WDR7: variants seen among roughly 807,000 people sequenced by gnomAD.
WDR7 encodes WD repeat domain 7.
WDR7 carries 46 observed loss-of-function variants against 169.4 expected under a neutral mutation model. That is an observed-to-expected ratio of 0.27 (90% confidence interval 0.21 to 0.35). The LOEUF (loss-of-function observed/expected upper bound fraction) is 0.35. Ranked by LOEUF, WDR7 falls within the 10% of genes least tolerant of loss-of-function variation. WDR7 has a pLI of 1.00. For synonymous variants in WDR7, 612 were observed against 666.8 expected (o/e 0.92, Z 1.27); for missense variants, 1,534 against 1,859.3 (o/e 0.83, Z 3.22).
At chr18:57,026,870 G>A (rs1204153780) in intron 27 of WDR7, 134 bp from the exon 28 acceptor site, 1 of 921,430 alleles carries the variant, frequency 1.1e-6, no homozygotes, top group Admixed American at 2.5e-5. Context: ...CTTTTGAGAG[G>A]TTAAGAACAA....
rs1270371776 is a variant in WDR7 at position 56,691,807 on chromosome 18, A to G, written c.956A>G (p.Lys319Arg). Residue 319 changes from lysine to arginine, a missense_variant, in exon 9 of 28, where the codon AAA becomes AGA. Transcript: ENST00000254442. ...GTACAACATATCCTCTTGGATCGAA[A>G]AGATAAAGAGGTAAAATTCTTGAGG... ...PPVQHILLDR[K>R]DKELLICPPV... 5.0e-6 allele frequency: 8 copies of G among 1,607,162 alleles called. No homozygotes were observed. The highest frequency in any genetic ancestry group is 8.5e-7 in the Non-Finnish European group (1 of 1,177,474).
intron 15 of WDR7, among the ~76,000 whole-genome samples, chr18:56,758,488 T>G (rs978740921): frequency 6.6e-6 from 1 of 152,206 alleles, no homozygotes; most frequent in Admixed American, 6.5e-5. Context: ...AAGACTGTTT[T>G]CAGGTTTTTG....
At chr18:56,943,275 A>G (rs542347304) in intron 25 of WDR7, among the ~76,000 whole-genome samples, 2 of 152,198 alleles carry the variant, frequency 1.3e-5, no homozygotes, top group Non-Finnish European at 2.9e-5. Flanking sequence ...CTCCAAAGTC[A>G]ATGGCATGAA....
intron 20 of WDR7, among the ~76,000 whole-genome samples, chr18:56,846,944 G>A (rs2045577469): frequency 1.3e-5 from 2 of 152,204 alleles, no homozygotes; most frequent in Non-Finnish European, 2.9e-5. Flanking sequence ...AATTGGTACT[G>A]AGGAATGGGG....
chr18:56,914,822 C>A (rs11876185), intron 21 of WDR7, among the ~76,000 whole-genome samples: 5,136 of 152,222 alleles, frequency 0.034, 106 homozygotes, highest in Middle Eastern at 0.058. Flanking sequence ...AGACTGTCTC[C>A]TATTTTGGTC....
intron 20 of WDR7, among the ~76,000 whole-genome samples, chr18:56,837,612 G>A (rs2045415035): frequency 6.6e-6 from 1 of 152,172 alleles, no homozygotes; most frequent in South Asian, 2.1e-4. Flanking sequence ...TTGATTTATT[G>A]AAATGAAATT....
intron 2 of WDR7, among the ~76,000 whole-genome samples, chr18:56,673,696 G>A (rs1260686537): frequency 2.0e-5 from 3 of 151,916 alleles, no homozygotes; most frequent in Non-Finnish European, 2.9e-5. Context: ...CTAGCCGGAC[G>A]TGGTGGTGCA....
chr18:57,019,058 A>G lies in WDR7; in HGVS notation c.4165-1687A>G, dbSNP rs993284609. ...ATGAGTAATCACATCTATTTCATCAAATGCCACAGTCTGAAGTCTGTGTTT... is the reference window on the plus strand; with the variant it reads ...ATGAGTAATCACATCTATTTCATCAGATGCCACAGTCTGAAGTCTGTGTTT... On this transcript the variant is annotated intron_variant, in intron 26 of 27. Transcript: ENST00000254442. Among the ~76,000 whole-genome samples the G allele has an allele frequency of 2.6e-5, 4 of 152,176 alleles. No homozygotes were observed. In the South Asian group the frequency reaches 8.3e-4, roughly 32 times the overall value.
chr18:56,677,998 T>A (rs539919815), intron 2 of WDR7, among the ~76,000 whole-genome samples: 13 of 152,194 alleles, frequency 8.5e-5, no homozygotes, highest in Admixed American at 3.9e-4. Flanking sequence ...AAATAGGCCA[T>A]CTTCAAGCTC....
chr18:56,826,734 A>G (rs1486312966), intron 20 of WDR7, among the ~76,000 whole-genome samples: 1 of 152,216 alleles, frequency 6.6e-6, no homozygotes, highest in African/African-American at 2.4e-5. Context: ...ATCCAGTGTG[A>G]AAGGATTCAG....
intron 25 of WDR7, among the ~76,000 whole-genome samples, chr18:56,942,353 C>G (rs1368213563): frequency 6.6e-6 from 1 of 152,020 alleles, no homozygotes; most frequent in Non-Finnish European, 1.5e-5. Flanking sequence ...GTCACTTGTT[C>G]CAGTTTGTGC....
intron 14 of WDR7, among the ~76,000 whole-genome samples, chr18:56,750,065 T>C (rs2144901644): frequency 6.6e-6 from 1 of 152,024 alleles, no homozygotes; most frequent in East Asian, 1.9e-4. Flanking sequence ...ATATCCATGC[T>C]TGAATACAGG....
intron 20 of WDR7, among the ~76,000 whole-genome samples, chr18:56,846,600 A>G (rs2045571814): frequency 6.6e-6 from 1 of 152,206 alleles, no homozygotes; most frequent in Non-Finnish European, 1.5e-5. Context: ...TACCAGTAGC[A>G]TGAAAACGGA....
At chr18:56,860,052 T>C (rs1458601603) in intron 20 of WDR7, among the ~76,000 whole-genome samples, 1 of 152,164 alleles carries the variant, frequency 6.6e-6, no homozygotes, top group Non-Finnish European at 1.5e-5. Context: ...GAGAAAGGGT[T>C]TCCATACTCT....
intron 13 of WDR7, among the ~76,000 whole-genome samples, chr18:56,719,133 T>G (rs1396708205): frequency 6.6e-6 from 1 of 152,198 alleles, no homozygotes; most frequent in East Asian, 1.9e-4. Context: ...GTAAAAGAGA[T>G]TCATACTTTT....
downstream of WDR7, chr18:57,030,228 T>C (rs2145965610): frequency 6.6e-6 from 1 of 152,322 alleles, no homozygotes; most frequent in Non-Finnish European, 1.5e-5. Context: ...AAATCAAGAA[T>C]AATAAAATAG....
intron 4 of WDR7, among the ~76,000 whole-genome samples, chr18:56,681,659 T>A (rs1339535770): frequency 6.6e-6 from 1 of 152,250 alleles, no homozygotes; most frequent in East Asian, 1.9e-4. Flanking sequence ...GTTACCCAAG[T>A]GAGAGCCCCT....
chr18:56,897,004 G>T (rs2046340998), intron 21 of WDR7, among the ~76,000 whole-genome samples: 1 of 151,742 alleles, frequency 6.6e-6, no homozygotes, highest in South Asian at 2.1e-4. Context: ...ATGGATAAAG[G>T]TTGAAAAAGT....
chr18:56,846,494 C>A (rs537211275), intron 20 of WDR7, among the ~76,000 whole-genome samples: 1 of 152,252 alleles, frequency 6.6e-6, no homozygotes, highest in South Asian at 2.1e-4. Flanking sequence ...TGTAAAAAGT[C>A]CCTTTCACTT....
Sources: gnomAD v4.1 joint callset for allele counts (sites outside exome capture counted in the v4.1 genomes callset) on GRCh38, gnomAD v4.1.1 for gene constraint, MANE v1.5 for transcripts, NCBI Gene and HGNC (gene_info 2026-07-23, HGNC 2026-07-21) for gene names.